Variants in C12orf42 observed in about 807,000 individuals in gnomAD.
C12orf42 encodes the protein chromosome 12 open reading frame 42, also known as uncharacterized protein C12orf42.
C12orf42 carries 25 observed loss-of-function variants against 21.6 expected under a neutral mutation model. That is an observed-to-expected ratio of 1.16 (90% confidence interval 0.84 to 1.62). The LOEUF (loss-of-function observed/expected upper bound fraction) is 1.62, where lower values mean the gene tolerates loss of function less well. C12orf42 is among the 40% of genes most tolerant of loss of function. The pLI is 0.00. For missense variants in C12orf42, 483 were observed against 459.3 expected (o/e 1.05, Z -0.47); for synonymous variants, 174 against 175.0 (o/e 0.99, Z 0.05).
chr12:103,443,896 G>A (rs1001483438), intron 2 of C12orf42, among the ~76,000 whole-genome samples: 5 of 152,040 alleles, frequency 3.3e-5, no homozygotes, highest in African/African-American at 9.7e-5. Context: ...TCCTCGAAAC[G>A]TAAAACTGAA....
intron 3 of C12orf42, among the ~76,000 whole-genome samples, chr12:103,396,184 G>A (rs2047516389): frequency 6.6e-6 from 1 of 151,974 alleles, no homozygotes; most frequent in Admixed American, 6.6e-5. Flanking sequence ...GACCTGGTGG[G>A]AGGTGACTGG....
chr12:103,201,594 G>T, the C12orf42 span, among the ~76,000 whole-genome samples: 2 of 152,106 alleles, frequency 1.3e-5, no homozygotes, highest in Non-Finnish European at 2.9e-5. Flanking sequence ...AATGACCATA[G>T]AATGGTCAAG....
the C12orf42 span, among the ~76,000 whole-genome samples, chr12:103,094,617 T>C: frequency 6.6e-6 from 1 of 152,332 alleles, no homozygotes. Flanking sequence ...TATCTTTAAA[T>C]ACGTTATATG....
At chr12:103,519,225 T>C in the C12orf42 span, among the ~76,000 whole-genome samples, 3 of 152,202 alleles carry the variant, frequency 2.0e-5, no homozygotes, top group African/African-American at 2.4e-5. Flanking sequence ...TGCAGAACTG[T>C]GAATCAATTA....
chr12:103,211,674 G>T, the C12orf42 span, among the ~76,000 whole-genome samples: 5 of 152,270 alleles, frequency 3.3e-5, no homozygotes, highest in South Asian at 1.0e-3. Flanking sequence ...CAACCTGATT[G>T]CAATCTAGTG....
the C12orf42 span, chr12:103,168,153 A>T: frequency 2.2e-6 from 1 of 451,358 alleles, no homozygotes; most frequent in Admixed American, 2.4e-5. Context: ...GACCCAGGGC[A>T]TATCATCTAA....
At chr12:103,166,590 C>T in the C12orf42 span, among the ~76,000 whole-genome samples, 4 of 152,282 alleles carry the variant, frequency 2.6e-5, no homozygotes, top group East Asian at 7.7e-4. Context: ...AGTCATACTC[C>T]TTCAGCTAGT....
At chr12:103,074,408 G>T in the C12orf42 span, among the ~76,000 whole-genome samples, 29 of 152,104 alleles carry the variant, frequency 1.9e-4, no homozygotes, top group African/African-American at 6.3e-4. Flanking sequence ...AAATAGCTTG[G>T]CAAATGAAGT....
At chr12:103,080,538 C>A in the C12orf42 span, among the ~76,000 whole-genome samples, 1 of 152,104 alleles carries the variant, frequency 6.6e-6, no homozygotes, top group Admixed American at 6.5e-5. Flanking sequence ...GCTACTTTAT[C>A]CAGCACCTGA....
chr12:103,278,397 C>G (rs1256668537), intron 4 of C12orf42, among the ~76,000 whole-genome samples: 1 of 152,136 alleles, frequency 6.6e-6, no homozygotes, highest in Non-Finnish European at 1.5e-5. Context: ...ACAAAAAAAG[C>G]CCAAGAGTGT....
chr12:103,303,307 CATATT>C (rs1566039439), intron 5 of C12orf42, among the ~76,000 whole-genome samples: 1 of 151,460 alleles, frequency 6.6e-6, no homozygotes, highest in African/African-American at 2.4e-5. Context: ...TATAAACTTC[CATATT>C]ATATAATATA....
the C12orf42 span, among the ~76,000 whole-genome samples, chr12:103,068,886 T>TAGATAG: frequency 6.0e-5 from 8 of 133,368 alleles, 1 homozygote; most frequent in South Asian, 2.3e-4. Context: ...TATATATATA[T>TAGATAG]ATAGATAGAT....
chr12:103,367,992 A>G (rs927512788), intron 4 of C12orf42: 16 of 1,113,668 alleles, frequency 1.4e-5, no homozygotes, highest in East Asian at 1.2e-4. Flanking sequence ...GCGTTGTTCA[A>G]ATGAAAATGT....
chr12:103,395,227 A>G lies in C12orf42; in HGVS notation c.147+6380T>C, dbSNP rs931714313. Reference sequence around the variant, plus strand: ...CTAATATGATATCTTCCTCTGCCACATTACAAAGTAAAAAGAATGATGATC... The same window carrying G: ...CTAATATGATATCTTCCTCTGCCACGTTACAAAGTAAAAAGAATGATGATC... On this transcript the variant is annotated intron_variant, in intron 3 of 5. Transcript: ENST00000548883. Among the ~76,000 whole-genome samples the G allele has an allele frequency of 2.0e-5, 3 of 152,226 alleles. No individual in the cohort carries two copies. In the East Asian group the frequency reaches 5.8e-4, roughly 29 times the overall value.
At chr12:103,100,029 G>A in the C12orf42 span, among the ~76,000 whole-genome samples, 1 of 152,180 alleles carries the variant, frequency 6.6e-6, no homozygotes, top group African/African-American at 2.4e-5. Flanking sequence ...CAATTTTTTT[G>A]TTTTGCTCAA....
At chr12:103,425,088 A>G (rs1949695230) in intron 2 of C12orf42, among the ~76,000 whole-genome samples, 1 of 152,204 alleles carries the variant, frequency 6.6e-6, no homozygotes, top group African/African-American at 2.4e-5. Context: ...AACTGGACGG[A>G]GTCCACCACA....
At chr12:103,048,428 C>T in the C12orf42 span, among the ~76,000 whole-genome samples, 7 of 152,130 alleles carry the variant, frequency 4.6e-5, no homozygotes, top group East Asian at 1.2e-3. Flanking sequence ...CAACACCCTC[C>T]CCCATATATG....
chr12:103,529,565 A>G, the C12orf42 span, among the ~76,000 whole-genome samples: 1 of 152,202 alleles, frequency 6.6e-6, no homozygotes, highest in Admixed American at 6.5e-5. Context: ...ACAATCATCC[A>G]CAGGTCTGGG....
At chr12:103,233,568 T>C (rs2033373069), downstream of C12orf42, among the ~76,000 whole-genome samples, 1 of 152,178 alleles carries the variant, frequency 6.6e-6, no homozygotes, top group South Asian at 2.1e-4. Flanking sequence ...AAGTACTTAA[T>C]TTAGGGGTAG....
Sources: allele counts gnomAD v4.1 joint callset (sites outside exome capture counted in the v4.1 genomes callset), GRCh38; gene constraint gnomAD v4.1.1; transcripts MANE v1.5; gene names NCBI Gene and HGNC (gene_info 2026-07-23, HGNC 2026-07-21).